ABCA8: variants seen among roughly 807,000 people sequenced by gnomAD.
ABCA8 encodes the protein ATP binding cassette subfamily A member 8.
ABCA8 carries 177 observed loss-of-function variants against 192.3 expected under a neutral mutation model. The ratio of observed to expected loss-of-function variants is 0.92; its 90% confidence interval spans 0.81 to 1.04. The LOEUF is 1.04. Ranked by LOEUF, ABCA8 falls within the 50% of genes least tolerant of loss-of-function variation. ABCA8 has a pLI of 0.00. For missense variants in ABCA8, 1,915 were observed against 1,904.8 expected (o/e 1.01, Z -0.10); for synonymous variants, 642 against 690.2 (o/e 0.93, Z 1.09).
intron 4 of ABCA8, 80 bp downstream of exon 4, chr17:68,940,678 C>CAAATT: frequency 7.7e-7 from 1 of 1,304,132 alleles, no homozygotes; most frequent in South Asian, 1.3e-5. Flanking sequence ...AACTGAAATA[C>CAAATT]AAATTAAATG....
At chr17:68,910,680 C>G (rs1329769375) in intron 17 of ABCA8, among the ~76,000 whole-genome samples, 1 of 152,134 alleles carries the variant, frequency 6.6e-6, no homozygotes, top group Non-Finnish European at 1.5e-5. Context: ...GGAGAGACTC[C>G]CTCCTTCTGT....
chr17:68,935,858 T>G (rs2068053028), intron 5 of ABCA8, among the ~76,000 whole-genome samples: 1 of 152,094 alleles, frequency 6.6e-6, no homozygotes, highest in Non-Finnish European at 1.5e-5. Flanking sequence ...AACATCTGAT[T>G]TTTTTAGACT....
chr17:68,882,039 A>AAAATTCC, intron 30 of ABCA8, 59 bp from the exon 31 acceptor site: 1 of 1,443,340 alleles, frequency 6.9e-7, no homozygotes, highest in Non-Finnish European at 9.7e-7. Context: ...GCTTTGAAAC[A>AAAATTCC]AAATTCCATC....
chr17:68,922,222 T>G lies in ABCA8; in HGVS notation c.1501+20A>C. On this transcript the variant is annotated intron_variant, in intron 12 of 39. Transcript: ENST00000586539. ...TTTTTTTTTTTTTTTTTTTTTTTTT[T>G]TTTTTTTTTTTTTTTTTACCTTTCA... 9.0e-6 allele frequency: 1 copy of G among 111,174 alleles called. No homozygotes were observed. The highest frequency in any genetic ancestry group is 1.6e-5 in the Non-Finnish European group (1 of 61,478). The allele number at this position is 111,174 out of a possible 1,614,324, so 6.9% of individuals were successfully genotyped here. A position where few individuals can be genotyped will look rare whatever the true frequency, so the allele number is the denominator to read the frequency against.
intron 24 of ABCA8, among the ~76,000 whole-genome samples, chr17:68,887,910 ATATATATATATATAT>A (rs2066517871): frequency 4.9e-5 from 1 of 20,616 alleles, no homozygotes; most frequent in Non-Finnish European, 7.5e-5. Flanking sequence ...ATATATATCC[ATATATATATATATAT>A]TATATATGGA....
intron 28 of ABCA8, 92 bp from the exon 29 acceptor site, chr17:68,883,974 A>T: frequency 1.2e-6 from 1 of 806,898 alleles, no homozygotes; most frequent in Non-Finnish European, 1.9e-6. Context: ...TTCTAAAAAA[A>T]TACATTCAGT....
intron 17 of ABCA8, among the ~76,000 whole-genome samples, chr17:68,916,495 T>A (rs1324160029): frequency 2.6e-5 from 4 of 152,140 alleles, no homozygotes; most frequent in African/African-American, 9.7e-5. Context: ...TGTACCCCCA[T>A]AAATCTATAC....
At chr17:68,955,198 G>GA (rs1211011358) in intron 1 of ABCA8, 21 bp downstream of exon 1, 2 of 152,034 alleles carry the variant, frequency 1.3e-5, no homozygotes, top group Non-Finnish European at 2.9e-5. Flanking sequence ...AAACAAAACA[G>GA]AAAAAATACA....
chr17:68,869,739 C>T lies in ABCA8; in HGVS notation c.4672G>A (p.Val1558Met), dbSNP rs2065999010. The change falls in exon 38 of 40, where the codon GTG becomes ATG. Residue 1558 changes from valine to methionine, a missense_variant. Coordinates refer to ENST00000586539, the MANE Select transcript of ABCA8 (RefSeq NM_001288985.2). ...LMVYKLPVED[V>M]QPLAQAFFKL... The stretch of plus-strand genomic sequence containing the variant: ...AAGAAAGCTTGGGCTAAAGGTTGCA[C>T]ATCTTCCACTGGCAACTTATAAACC... 6.2e-7 allele frequency: 1 copy of T among 1,613,268 alleles called. No individual in the cohort carries two copies. The highest frequency in any genetic ancestry group is 1.3e-5 in the African/African-American group (1 of 74,874).
At position 68,907,758 on chromosome 17, in the gene ABCA8, T is replaced by C. The variant is rs771200730; in HGVS notation, c.2260A>G (p.Arg754Gly). 2.1e-5 allele frequency: 34 copies of C among 1,591,592 alleles called. No homozygotes were observed. Among genetic ancestry groups the C allele is most frequent in the South Asian group, 1.3e-4 (11 of 84,590 alleles). Residue 754 changes from arginine (R) to glycine (G), a missense_variant, in exon 18 of 40, where the codon AGA (arginine) becomes GGA (glycine). By Grantham distance (125) the Arg-to-Gly change is moderately radical (BLOSUM62 -2). Coordinates refer to ENST00000586539, the MANE Select transcript of ABCA8 (RefSeq NM_001288985.2). ...ACATTACCTGGAAATTTATTTGTTCTTTCTAAGGGTAATGTATAAATAAGT... is the reference window on the plus strand; with the variant it reads ...ACATTACCTGGAAATTTATTTGTTCCTTCTAAGGGTAATGTATAAATAAGT... The part of the protein sequence containing the change: ...GKLIYTLPLE[R>G]TNKFPELYKD...
In ABCA8 at chr17:68,929,647, C is replaced by A; in HGVS notation, c.853G>T (p.Ala285Ser). The A allele has an allele frequency of 6.2e-7, 1 of 1,613,210 alleles. No individual in the cohort carries two copies. Among genetic ancestry groups the A allele is most frequent in the South Asian group, 1.1e-5 (1 of 90,994 alleles). ...AACTGGGTAGATCTTATAACAAGTG[C>A]CAAGAAAAGGGCCATAATGAAGATG... ...GFIFIMALFLALVIRSTQFII... is the reference protein window; with the variant it reads ...GFIFIMALFLSLVIRSTQFII... The change falls in exon 8 of 40, where the codon GCA (alanine) becomes TCA (serine). Residue 285 changes from alanine (A) to serine (S), a missense_variant. Coordinates refer to ENST00000586539, the MANE Select transcript of ABCA8 (RefSeq NM_001288985.2).
intron 38 of ABCA8, among the ~76,000 whole-genome samples, chr17:68,869,462 A>C (rs2065993098): frequency 6.6e-6 from 1 of 152,154 alleles, no homozygotes; most frequent in South Asian, 2.1e-4. Context: ...ATACATGCAA[A>C]AATACATGAC....
Position 68,924,646 on chromosome 17 carries a change from G to A in ABCA8, c.1442+55C>T, listed in dbSNP as rs548670823. On this transcript the variant is annotated intron_variant, in intron 11 of 39. Transcript: ENST00000586539. Reference sequence around the variant, plus strand: ...AAAGGGAACACTGCTTGCCTCAGGTGCTATCTCTTAGCTTCCTGCCTTTTT... The same window carrying A: ...AAAGGGAACACTGCTTGCCTCAGGTACTATCTCTTAGCTTCCTGCCTTTTT... The A allele has an allele frequency of 3.2e-6, 5 of 1,565,208 alleles. No individual in the cohort carries two copies. In the African/African-American group the frequency reaches 5.5e-5, roughly 17 times the overall value.
chr17:68,924,478 G>C (rs565567538), intron 11 of ABCA8, among the ~76,000 whole-genome samples: 1 of 152,136 alleles, frequency 6.6e-6, no homozygotes, highest in African/African-American at 2.4e-5. Flanking sequence ...ATCTTAGCTG[G>C]TAAAATTTAA....
rs2067401371 is a variant in ABCA8, at chr17:68,917,408, G to A, written c.2091C>T (p.Gly697=). 3 of 1,612,210 alleles carry A rather than the reference G, an allele frequency of 1.9e-6. No individual in the cohort carries two copies. The highest frequency in any genetic ancestry group is 1.6e-4 in the Middle Eastern group (1 of 6,072). The change falls in exon 17 of 40, where the codon GGC becomes GGT. Residue 697 remains glycine (G), a synonymous_variant. Transcript: ENST00000586539. ...ATTTCTTCTTTAGAAACAAAGAAGA[G>A]CCCGCGCACTTTAGCTTCCCTTGGG... ...FLSQGKLKCA[G]SSLFLKKKWG...
chr17:68,924,098 T>C (rs1253465378), intron 11 of ABCA8, among the ~76,000 whole-genome samples: 2 of 152,226 alleles, frequency 1.3e-5, no homozygotes, highest in Admixed American at 1.3e-4. Context: ...CGGTGGCTCA[T>C]GCCTGTAATC....
rs764622521 is a variant in ABCA8 at position 68,891,572 on chromosome 17, A to C, written c.3061T>G (p.Phe1021Val). 2 of 1,612,716 alleles carry C rather than the reference A, an allele frequency of 1.2e-6. No homozygotes were observed. Among genetic ancestry groups the C allele is most frequent in the East Asian group, 4.5e-5 (2 of 44,790 alleles). The change falls in exon 24 of 40, where the codon TTC becomes GTC. Residue 1021 changes from phenylalanine to valine, a missense_variant. By Grantham distance (50) the Phe-to-Val change is conservative. Transcript: ENST00000586539. ...LENGQDNPIG[F>V]LAYIMFWLVL... ...AGCCAGAACATGATATATGCCAGGA[A>C]TCCGATTGGATTGTCCTGTCCATTC...
At chr17:68,912,705 A>AATATAT (rs2067251517) in intron 17 of ABCA8, among the ~76,000 whole-genome samples, 1 of 152,184 alleles carries the variant, frequency 6.6e-6, no homozygotes, top group Non-Finnish European at 1.5e-5. Context: ...AACAATTGTA[A>AATATAT]ATATATATGC....
At position 68,887,029 on chromosome 17, in the gene ABCA8, A is replaced by G. The variant is rs767327970; in HGVS notation, c.3417T>C (p.Phe1139=). ...KGRKNSGIWS[F]CFYVVTVFSV... is the part of the protein sequence containing the mutation. ...GAAATATACTTACAACATAGAAACAAAATGACCAAATGCCACTATTTTTTC... is the reference window on the plus strand; with the variant it reads ...GAAATATACTTACAACATAGAAACAGAATGACCAAATGCCACTATTTTTTC... The change falls in exon 26 of 40, where the codon TTT becomes TTC. Residue 1139 remains phenylalanine (F), a synonymous_variant. Transcript: ENST00000586539. 6.2e-7 allele frequency: 1 copy of G among 1,602,292 alleles called. No homozygotes were observed. Among genetic ancestry groups the G allele is most frequent in the Non-Finnish European group, 8.5e-7 (1 of 1,170,000 alleles).
Sources: gnomAD v4.1 joint callset for allele counts (sites outside exome capture counted in the v4.1 genomes callset) on GRCh38, gnomAD v4.1.1 for gene constraint, MANE v1.5 for transcripts, NCBI Gene and HGNC (gene_info 2026-07-23, HGNC 2026-07-21) for gene names.